Variants in ACER2 observed in about 807,000 individuals in gnomAD.
ACER2 encodes alkaline ceramidase 2.
Under a neutral mutation model 34.7 loss-of-function variants are expected in ACER2, and 26 were observed. The observed-to-expected ratio is 0.75, with a 90% CI of 0.55 to 1.04. ACER2 has a LOEUF of 1.04. ACER2 is among the 50% of genes least tolerant of loss of function. The probability of loss-of-function intolerance (pLI) is 0.00; values close to 1 mark genes in which losing one functional copy is unlikely to be tolerated. For missense variants in ACER2, 352 were observed against 340.8 expected, an observed-to-expected ratio of 1.03 and a Z score of -0.26; for synonymous variants, 138 against 132.1, an observed-to-expected ratio of 1.04 and a Z score of -0.31.
intron 5 of ACER2, among the ~76,000 whole-genome samples, chr9:19,448,960 G>A (rs1831471430): frequency 6.6e-6 from 1 of 152,118 alleles, no homozygotes; most frequent in Non-Finnish European, 1.5e-5. Flanking sequence ...CTAACACGGT[G>A]AAACCCCGTC....
intron 1 of ACER2, chr9:19,409,907 A>G: frequency 1.0e-6 from 1 of 985,370 alleles, no homozygotes; most frequent in Non-Finnish European, 1.2e-6. Flanking sequence ...TCCCTAGATA[A>G]GGGTGAGCAG....
intron 1 of ACER2, among the ~76,000 whole-genome samples, chr9:19,417,930 A>G (rs2132464375): frequency 6.6e-6 from 1 of 152,324 alleles, no homozygotes; most frequent in Non-Finnish European, 1.5e-5. Flanking sequence ...TAACCTACAG[A>G]ATAGGAGAAA....
intron 3 of ACER2, among the ~76,000 whole-genome samples, chr9:19,429,253 G>T (rs1203139806): frequency 2.0e-5 from 3 of 152,112 alleles, no homozygotes; most frequent in Non-Finnish European, 4.4e-5. Context: ...ATTGCTGATG[G>T]TTATTAATAA....
intron 2 of ACER2, chr9:19,424,432 G>T: frequency 1.0e-6 from 1 of 985,432 alleles, no homozygotes; most frequent in Non-Finnish European, 1.2e-6. Context: ...TTCCCAGAAA[G>T]GCTCAGTGGA....
intron 3 of ACER2, 70 bp from the exon 4 acceptor site, chr9:19,434,877 C>G: frequency 6.3e-7 from 1 of 1,585,572 alleles, no homozygotes; most frequent in Admixed American, 1.7e-5. Flanking sequence ...CTGTACCTTG[C>G]TAACATTAAA....
At chr9:19,447,807 A>G (rs1831416529) in intron 5 of ACER2, among the ~76,000 whole-genome samples, 1 of 152,188 alleles carries the variant, frequency 6.6e-6, no homozygotes, top group Non-Finnish European at 1.5e-5. Context: ...TTCCAGTTAT[A>G]AAATGACATA....
In ACER2 at chr9:19,448,516, A is replaced by G. The variant is rs886825139; in HGVS notation, c.642-1934A>G. ...TTATTTCTAATTTTCCACTTTTGCAAACACTTTATAATGAACATCTAGATT... is the reference window on the plus strand; with the variant it reads ...TTATTTCTAATTTTCCACTTTTGCAGACACTTTATAATGAACATCTAGATT... On this transcript the variant is annotated intron_variant, in intron 5 of 5. Coordinates refer to ENST00000340967, the MANE Select transcript of ACER2 (RefSeq NM_001010887.3). Among the ~76,000 whole-genome samples, 9 of 152,248 alleles carry G rather than the reference A, an allele frequency of 5.9e-5. 1 individual carries two copies. Among genetic ancestry groups the G allele is most frequent in the African/African-American group, 2.2e-4 (9 of 41,564 alleles).
chr9:19,429,907 A>AAT (rs1454411127), intron 3 of ACER2, among the ~76,000 whole-genome samples: 1 of 152,060 alleles, frequency 6.6e-6, no homozygotes, highest in Non-Finnish European at 1.5e-5. Flanking sequence ...GGCTGTTCTA[A>AAT]ATAGATTATG....
At chr9:19,447,457 G>C (rs4977537) in intron 5 of ACER2, among the ~76,000 whole-genome samples, 45,820 of 152,034 alleles carry the variant, frequency 0.3, 7,303 homozygotes, top group Admixed American at 0.36. Context: ...AATTCAAACA[G>C]CACAAGTTGG....
intron 4 of ACER2, among the ~76,000 whole-genome samples, chr9:19,445,372 A>C (rs544601824): frequency 6.6e-6 from 1 of 152,260 alleles, no homozygotes; most frequent in Admixed American, 6.5e-5. Context: ...AGCAGTAAAC[A>C]GATTCCATGT....
At position 19,439,906 on chromosome 9, in the gene ACER2, G is replaced by A. The variant is rs1197422556; in HGVS notation, c.503+4822G>A. Among the ~76,000 whole-genome samples, 9 of 152,164 alleles carry A rather than the reference G, an allele frequency of 5.9e-5. No homozygotes were observed. The South Asian group carries it at 8.3e-4, about 14-fold the overall frequency. Reference sequence around the variant, plus strand: ...CACTTGAATCCAGGAGGCGGAGGTTGTGGTGCGTGGAGATGTGGAGATCAC... The same window carrying A: ...CACTTGAATCCAGGAGGCGGAGGTTATGGTGCGTGGAGATGTGGAGATCAC... On this transcript the variant is annotated intron_variant, in intron 4 of 5. Transcript: ENST00000340967.
At chr9:19,450,078 A>C (rs1831511086) in intron 5 of ACER2, 1 of 464,390 alleles carries the variant, frequency 2.2e-6, no homozygotes, top group Non-Finnish European at 2.8e-6. Context: ...ATCTGTAACC[A>C]GTTGTTAAAG....
At chr9:19,446,446 C>A (rs199672118) in intron 5 of ACER2, 28 bp downstream of exon 5, 4 of 1,613,752 alleles carry the variant, frequency 2.5e-6, no homozygotes, top group African/African-American at 1.3e-5. Context: ...GGGAGGTGGC[C>A]GGGGACAGGT....
intron 4 of ACER2, among the ~76,000 whole-genome samples, chr9:19,444,282 G>C (rs1831268361): frequency 6.6e-6 from 1 of 150,802 alleles, no homozygotes; most frequent in African/African-American, 2.4e-5. Flanking sequence ...CGCGATCTCG[G>C]CTCACTGCAA....
intron 4 of ACER2, among the ~76,000 whole-genome samples, chr9:19,439,623 A>T (rs1000470697): frequency 2.0e-5 from 3 of 152,120 alleles, no homozygotes; most frequent in African/African-American, 4.8e-5. Context: ...ATCCACATCC[A>T]CATCTCTAGC....
chr9:19,439,790 A>G (rs906206679), intron 4 of ACER2, among the ~76,000 whole-genome samples: 1 of 152,132 alleles, frequency 6.6e-6, no homozygotes, highest in African/African-American at 2.4e-5. Flanking sequence ...ACAGGATGAA[A>G]CCTCATCTCT....
chr9:19,424,006 T>A, intron 2 of ACER2, 30 bp downstream of exon 2: 1 of 1,518,560 alleles, frequency 6.6e-7, no homozygotes, highest in Non-Finnish European at 9.1e-7. Context: ...AACACGGACT[T>A]AATGGGGTGG....
chr9:19,420,009 A>T (rs935020388), intron 1 of ACER2, among the ~76,000 whole-genome samples: 5 of 152,118 alleles, frequency 3.3e-5, no homozygotes, highest in Admixed American at 3.3e-4. Context: ...AGATGGTGGC[A>T]GAGGCAGGCA....
chr9:19,433,688 T>C (rs979082348), intron 3 of ACER2, among the ~76,000 whole-genome samples: 3 of 151,996 alleles, frequency 2.0e-5, no homozygotes, highest in Admixed American at 6.5e-5. Context: ...CCAGATGGGG[T>C]GGTGGCCGGG....
Sources: gnomAD v4.1 joint callset for allele counts (sites outside exome capture counted in the v4.1 genomes callset) on GRCh38, gnomAD v4.1.1 for gene constraint, MANE v1.5 for transcripts, NCBI Gene and HGNC (gene_info 2026-07-23, HGNC 2026-07-21) for gene names.